CLDN16: variants seen among roughly 807,000 people sequenced by gnomAD.
The protein encoded by CLDN16 is claudin 16.
Under a neutral mutation model 24.6 loss-of-function variants are expected in CLDN16, and 13 were observed. The ratio of observed to expected loss-of-function variants is 0.53; its 90% CI spans 0.34 to 0.84. The LOEUF (loss-of-function observed/expected upper bound fraction) is 0.84, where lower values mean the gene tolerates loss of function less well. Ranked by LOEUF, CLDN16 falls within the 40% of genes least tolerant of loss-of-function variation. The pLI is 0.01. For synonymous variants in CLDN16, 116 were observed against 106.7 expected (o/e 1.09, Z -0.54); for missense variants, 298 against 292.7 (o/e 1.02, Z -0.13).
chr3:190,354,548 T>C (rs1717728926), intron 1 of CLDN16, among the ~76,000 whole-genome samples: 1 of 152,058 alleles, frequency 6.6e-6, no homozygotes, highest in Non-Finnish European at 1.5e-5. Flanking sequence ...TCCTGATGCC[T>C]GGACCACAGT....
chr3:190,379,828 A>T (rs931984171), intron 3 of CLDN16, among the ~76,000 whole-genome samples: 1 of 152,100 alleles, frequency 6.6e-6, no homozygotes, highest in African/African-American at 2.4e-5. Flanking sequence ...TAAGAACTAC[A>T]TCAACCATTA....
chr3:190,368,600 C>G (rs1225157745), intron 1 of CLDN16, among the ~76,000 whole-genome samples: 1 of 151,932 alleles, frequency 6.6e-6, no homozygotes, highest in Non-Finnish European at 1.5e-5. Context: ...TAAAAGTGGA[C>G]AAGTGACTTA....
intron 4 of CLDN16, among the ~76,000 whole-genome samples, chr3:190,409,246 G>GTATATGCATGTATATATGCACACACA (rs1719202280): frequency 4.6e-5 from 7 of 151,628 alleles, no homozygotes; most frequent in African/African-American, 1.7e-4. Flanking sequence ...ATGCACACAC[G>GTATATGCATGTATATATGCACACACA]TATATGCATG....
At chr3:190,308,161 G>T in the CLDN16 span, 2 of 1,222,086 alleles carry the variant, frequency 1.6e-6, no homozygotes, top group Non-Finnish European at 2.4e-6. Context: ...TGTTTGTTTT[G>T]TAATACCATA....
At chr3:190,339,229 A>G (rs1717376250) in intron 1 of CLDN16, among the ~76,000 whole-genome samples, 1 of 152,186 alleles carries the variant, frequency 6.6e-6, no homozygotes, top group South Asian at 2.1e-4. Context: ...CCTTCTAGAA[A>G]TCACCTGCAC....
the CLDN16 span, among the ~76,000 whole-genome samples, chr3:190,303,730 A>T: frequency 1.3e-5 from 2 of 152,356 alleles, no homozygotes; most frequent in East Asian, 3.9e-4. Context: ...GATAAAAAGA[A>T]ACCTGTTCTT....
intron 3 of CLDN16, among the ~76,000 whole-genome samples, chr3:190,407,265 G>A (rs935927649): frequency 3.3e-5 from 5 of 152,124 alleles, no homozygotes; most frequent in African/African-American, 9.7e-5. Flanking sequence ...GTGAACACAT[G>A]CATCTAACTT....
At chr3:190,370,624 G>T (rs896848361) in intron 1 of CLDN16, among the ~76,000 whole-genome samples, 1 of 151,870 alleles carries the variant, frequency 6.6e-6, no homozygotes, top group African/African-American at 2.4e-5. Flanking sequence ...TTGATTTTAA[G>T]TGCACTCATG....
At chr3:190,365,142 A>G (rs1358964883) in intron 1 of CLDN16, among the ~76,000 whole-genome samples, 1 of 151,756 alleles carries the variant, frequency 6.6e-6, no homozygotes, top group East Asian at 2.0e-4. Context: ...CTATCTTCAC[A>G]GGTCTCATGT....
intron 1 of CLDN16, among the ~76,000 whole-genome samples, chr3:190,364,975 T>A (rs1167345904): frequency 6.6e-6 from 1 of 151,872 alleles, no homozygotes; most frequent in African/African-American, 2.4e-5. Flanking sequence ...AATGGATACT[T>A]GTTTTGAGAA....
Position 190,363,575 on chromosome 3 carries a change from T to C in CLDN16, n.122-7318T>C, listed in dbSNP as rs1236831876. On this transcript the variant is annotated intron_variant and non_coding_transcript_variant, in intron 1 of 4. Coordinates refer to the CLDN16 transcript ENST00000468220. ...GTGTGTGTATATATATATATATATA[T>C]ATATATATATATATATATATATTTT... is the stretch of plus-strand genomic sequence containing the variant. Among the ~76,000 whole-genome samples, 69 of 134,216 alleles carry C rather than the reference T, an allele frequency of 5.1e-4. 6 individuals are homozygous for C. The highest frequency in any genetic ancestry group is 4.1e-3 in the South Asian group (17 of 4,190). 88.1% of individuals were successfully genotyped at this position (134,216 alleles called of 152,430 possible).
intron 1 of CLDN16, among the ~76,000 whole-genome samples, chr3:190,331,354 C>A (rs967031336): frequency 6.6e-6 from 1 of 152,116 alleles, no homozygotes; most frequent in Non-Finnish European, 1.5e-5. Context: ...TTTAGAACAG[C>A]CAAAGGCTTG....
At chr3:190,404,683 G>GC (rs1719044016) in intron 2 of CLDN16, 79 bp from the exon 3 acceptor site, 13 of 1,445,716 alleles carry the variant, frequency 9.0e-6, no homozygotes, top group Non-Finnish European at 1.3e-5. Context: ...CTACTTGTCT[G>GC]TTTTTTTTGC....
intron 1 of CLDN16, among the ~76,000 whole-genome samples, chr3:190,330,047 A>ACC (rs201848810): frequency 0.015 from 2,192 of 142,744 alleles, 55 homozygotes; most frequent in African/African-American, 0.048. Flanking sequence ...TCCCCCCTCC[A>ACC]CCAGCATCAC....
At chr3:190,301,450 G>A in the CLDN16 span, among the ~76,000 whole-genome samples, 33 of 151,434 alleles carry the variant, frequency 2.2e-4, no homozygotes, top group Non-Finnish European at 3.5e-4. Flanking sequence ...AGCCAAGATC[G>A]CACACTGCAT....
At chr3:190,319,761 T>C (rs1229380377), upstream of CLDN16, among the ~76,000 whole-genome samples, 1 of 152,168 alleles carries the variant, frequency 6.6e-6, no homozygotes, top group African/African-American at 2.4e-5. Flanking sequence ...ACCCTTTTCA[T>C]CTCTACATGT....
At chr3:190,350,280 T>C (rs1213981773) in intron 1 of CLDN16, among the ~76,000 whole-genome samples, 1 of 151,250 alleles carries the variant, frequency 6.6e-6, no homozygotes, top group Non-Finnish European at 1.5e-5. Context: ...AAGTCTGGTG[T>C]GAAATGATAA....
At position 190,350,491 on chromosome 3, in the gene CLDN16, T is replaced by A. The variant is rs184790853; in HGVS notation, n.122-20402T>A. The stretch of plus-strand genomic sequence containing the variant: ...AGAATTGCTAATTTTGATTTTATAA[T>A]GTTGAAAAAAGTATTCGATACCAAA... On this transcript the variant is annotated intron_variant and non_coding_transcript_variant, in intron 1 of 4. Transcript: ENST00000468220. Among the ~76,000 whole-genome samples the A allele has an allele frequency of 1.4e-3, 213 of 152,194 alleles. 1 individual carries two copies. Among genetic ancestry groups the A allele is most frequent in the African/African-American group, 4.6e-3 (193 of 41,536 alleles).
At chr3:190,327,990 A>G (rs1717103998) in intron 1 of CLDN16, among the ~76,000 whole-genome samples, 1 of 152,190 alleles carries the variant, frequency 6.6e-6, no homozygotes. Flanking sequence ...GATGAAGATC[A>G]TAATTTTTTG....
Sources: allele counts gnomAD v4.1 joint callset (sites outside exome capture counted in the v4.1 genomes callset), GRCh38; gene constraint gnomAD v4.1.1; transcripts MANE v1.5; gene names NCBI Gene and HGNC (gene_info 2026-07-23, HGNC 2026-07-21).